The following SIK3 variants were observed in gnomAD, a reference collection of about 807,000 sequenced individuals.
SIK3 encodes the protein SIK family kinase 3.
In SIK3, 28 loss-of-function variants were observed where a neutral mutation model predicts 144.2. The ratio of observed to expected loss-of-function variants is 0.19; its 90% CI spans 0.14 to 0.27. The LOEUF (loss-of-function observed/expected upper bound fraction) is 0.27. Ranked by LOEUF, SIK3 falls within the 10% of genes least tolerant of loss-of-function variation. The pLI is 1.00. For synonymous variants in SIK3, 686 were observed against 676.3 expected, an observed-to-expected ratio of 1.01 and a Z score of -0.22; for missense variants, 1,319 against 1,776.0, an observed-to-expected ratio of 0.74 and a Z score of 4.62.
In SIK3 at chr11:116,849,611, C is replaced by T. The variant is rs1247351938; in HGVS notation, c.3656-328G>A. On this transcript the variant is annotated intron_variant, in intron 21 of 24. Transcript: ENST00000445177. The surrounding 1 kb of genome is among the most constrained non-coding windows in gnomAD (Gnocchi z 4.2). Reference sequence around the variant, plus strand: ...CCTAAATGCACATGAGAATTACTCTCGGAGCTTTCAGGACCCTCTAGCCCT... The same window carrying T: ...CCTAAATGCACATGAGAATTACTCTTGGAGCTTTCAGGACCCTCTAGCCCT... Among the ~76,000 whole-genome samples, 16 of 152,166 alleles carry T rather than the reference C, an allele frequency of 1.1e-4. No homozygotes were observed. The highest frequency in any genetic ancestry group is 9.8e-4 in the Admixed American group (15 of 15,288).
intron 1 of SIK3, among the ~76,000 whole-genome samples, chr11:117,003,160 T>G (rs1254040938): frequency 6.6e-6 from 1 of 152,140 alleles, no homozygotes; most frequent in Non-Finnish European, 1.5e-5. Flanking sequence ...TTTGCTACAT[T>G]AAGTCTCTTG....
intron 15 of SIK3, chr11:116,864,654 G>A (rs915013493): frequency 1.1e-4 from 16 of 152,262 alleles, no homozygotes; most frequent in African/African-American, 3.6e-4. Flanking sequence ...TGATCAGAAA[G>A]AGATGTTTAT....
intron 1 of SIK3, chr11:117,015,831 A>C (rs1465784750): frequency 6.6e-6 from 1 of 152,130 alleles, no homozygotes; most frequent in Non-Finnish European, 1.5e-5. Context: ...AGCCTCCCAA[A>C]GTGCTGGGAT....
intron 1 of SIK3, among the ~76,000 whole-genome samples, chr11:117,036,663 G>GTTAA (rs1952519716): frequency 1.3e-5 from 2 of 152,230 alleles, no homozygotes; most frequent in African/African-American, 4.8e-5. Flanking sequence ...TTAACATATC[G>GTTAA]TTAATTCTTC....
rs1475575310 is a variant in SIK3, at chr11:116,843,650, T to C, written c.*1993A>G. ...TCTGTTGTTGCTGGAGGGTGCAGTC[T>C]GCTCTCCCATACATACAGTACCATG... On this transcript the variant is annotated 3_prime_UTR_variant, in exon 25 of 25. Coordinates refer to ENST00000445177, the MANE Select transcript of SIK3 (RefSeq NM_001366686.3). 1.3e-5 allele frequency: 2 copies of C among 152,258 alleles called. No homozygotes were observed. Among genetic ancestry groups the C allele is most frequent in the Non-Finnish European group, 2.9e-5 (2 of 68,058 alleles). 9.4% of individuals were successfully genotyped at this position (152,258 alleles called of 1,614,324 possible).
At chr11:117,048,213 G>C (rs1294316699) in intron 1 of SIK3, among the ~76,000 whole-genome samples, 1 of 152,100 alleles carries the variant, frequency 6.6e-6, no homozygotes, top group Non-Finnish European at 1.5e-5. Context: ...GTTAACTTGA[G>C]AAAAACCAGA....
intron 21 of SIK3, among the ~76,000 whole-genome samples, chr11:116,854,384 A>G (rs1478649812): frequency 6.6e-6 from 1 of 152,178 alleles, no homozygotes; most frequent in African/African-American, 2.4e-5. Context: ...AATAACACCA[A>G]CAATCCCTGT....
chr11:116,951,659 G>C (rs1948942561), intron 3 of SIK3, among the ~76,000 whole-genome samples: 1 of 152,146 alleles, frequency 6.6e-6, no homozygotes, highest in Non-Finnish European at 1.5e-5. Flanking sequence ...TTCCTGCTGG[G>C]TGCAGTAGCT....
intron 1 of SIK3, among the ~76,000 whole-genome samples, chr11:116,979,858 G>GA (rs924046367): frequency 1.3e-5 from 2 of 151,222 alleles, no homozygotes; most frequent in South Asian, 2.1e-4. Flanking sequence ...AACAAACAAA[G>GA]AAAAAAAAGA....
chr11:116,850,783 T>TGGATCACCTGAGGTC (rs1942368256), intron 21 of SIK3, among the ~76,000 whole-genome samples: 1 of 152,004 alleles, frequency 6.6e-6, no homozygotes, highest in African/African-American at 2.4e-5. Context: ...CCGGGGCGGG[T>TGGATCACCTGAGGTC]GGATCACCTG....
At chr11:117,013,915 G>GGTGTGT (rs71037441) in intron 1 of SIK3, among the ~76,000 whole-genome samples, 23 of 23,588 alleles carry the variant, frequency 9.8e-4, no homozygotes, top group Non-Finnish European at 1.6e-3. Context: ...GGGGGGGGAG[G>GGTGTGT]GTGTGTGTGT....
intron 1 of SIK3, among the ~76,000 whole-genome samples, chr11:116,978,937 T>C (rs1357192852): frequency 1.3e-5 from 2 of 152,194 alleles, no homozygotes; most frequent in Non-Finnish European, 1.5e-5. Context: ...ATACCAACTG[T>C]ATTTATGCTT....
intron 3 of SIK3, among the ~76,000 whole-genome samples, chr11:116,941,037 C>A (rs1948270365): frequency 6.6e-6 from 1 of 152,056 alleles, no homozygotes; most frequent in Non-Finnish European, 1.5e-5. Flanking sequence ...GACGGAGCCT[C>A]GCTCTGTCCC....
At chr11:116,947,565 A>AT (rs1948727799) in intron 3 of SIK3, among the ~76,000 whole-genome samples, 1 of 51,288 alleles carries the variant, frequency 1.9e-5, no homozygotes, top group Admixed American at 1.9e-4. Flanking sequence ...GTATGTATGT[A>AT]TGTATTTTTT....
chr11:116,895,487 C>G (rs1421832190), intron 6 of SIK3, among the ~76,000 whole-genome samples: 2 of 152,214 alleles, frequency 1.3e-5, no homozygotes, highest in Non-Finnish European at 2.9e-5. Flanking sequence ...CCTCTTTGTT[C>G]TAAAATGCAA....
intron 1 of SIK3, among the ~76,000 whole-genome samples, chr11:117,011,537 A>G (rs1380780538): frequency 1.3e-5 from 2 of 152,158 alleles, no homozygotes; most frequent in East Asian, 3.8e-4. Flanking sequence ...TTTTACCCCG[A>G]ACCAGAAATT....
chr11:117,002,092 T>G (rs953734370), intron 1 of SIK3, among the ~76,000 whole-genome samples: 3 of 152,168 alleles, frequency 2.0e-5, no homozygotes, highest in African/African-American at 7.2e-5. Flanking sequence ...CTTGTATGCT[T>G]TTTCAAACCT....
chr11:116,983,738 G>GT (rs1950230161), intron 1 of SIK3, among the ~76,000 whole-genome samples: 2 of 152,108 alleles, frequency 1.3e-5, no homozygotes, highest in African/African-American at 2.4e-5. Context: ...CTGTGCCCCT[G>GT]TATCTACTGT....
At chr11:116,884,772 T>G (rs1944728622) in intron 6 of SIK3, among the ~76,000 whole-genome samples, 1 of 152,140 alleles carries the variant, frequency 6.6e-6, no homozygotes, top group Non-Finnish European at 1.5e-5. Flanking sequence ...CCACCAAGCC[T>G]GACAAGGATG....
Sources: allele counts gnomAD v4.1 joint callset (sites outside exome capture counted in the v4.1 genomes callset), GRCh38; gene constraint gnomAD v4.1.1; non-coding constraint Gnocchi (gnomAD v3.1); transcripts MANE v1.5; gene names NCBI Gene and HGNC (gene_info 2026-07-23, HGNC 2026-07-21).